CALN1: variants seen among roughly 807,000 people sequenced by gnomAD.
CALN1 encodes the protein calcium-binding protein 8.
CALN1 carries 17 observed loss-of-function variants against 30.6 expected under a neutral mutation model. The ratio of observed to expected loss-of-function variants is 0.56; its 90% CI spans 0.38 to 0.83. CALN1 has a LOEUF of 0.83. Ranked by LOEUF, CALN1 falls within the 40% of genes least tolerant of loss-of-function variation. The probability of loss-of-function intolerance (pLI) is 0.00; values close to 1 mark genes in which losing one functional copy is unlikely to be tolerated. For synonymous variants in CALN1, 156 were observed against 131.4 expected (o/e 1.19, Z -1.28); for missense variants, 291 against 354.9 (o/e 0.82, Z 1.45).
At chr7:72,272,163 T>G (rs1797039595) in intron 3 of CALN1, among the ~76,000 whole-genome samples, 1 of 151,678 alleles carries the variant, frequency 6.6e-6, no homozygotes, top group Non-Finnish European at 1.5e-5. Flanking sequence ...GTGACACTGG[T>G]CAACTACTAA....
the CALN1 span, among the ~76,000 whole-genome samples, chr7:72,462,173 T>A: frequency 6.6e-6 from 1 of 151,978 alleles, no homozygotes; most frequent in East Asian, 1.9e-4. Flanking sequence ...TATGTATGTA[T>A]GTATGTATTT....
chr7:72,467,689 G>A, the CALN1 span, among the ~76,000 whole-genome samples: 2 of 152,088 alleles, frequency 1.3e-5, no homozygotes, highest in Non-Finnish European at 2.9e-5. Context: ...AGAGTCCTCT[G>A]CTACACAACT....
In CALN1 at chr7:72,394,360, T is replaced by C. The variant is rs948545869; in HGVS notation, c.119+8891A>G. Among the ~76,000 whole-genome samples, 7 of 152,192 alleles carry C rather than the reference T, an allele frequency of 4.6e-5. No homozygotes were observed. The East Asian group carries it at 1.3e-3, about 29-fold the overall frequency. ...ACATGTTTTGACCCAGATGTTTCAC[T>C]TCTAGAAAATGTAGCTTTAGCTATG... On this transcript the variant is annotated intron_variant, in intron 2 of 6. Transcript: ENST00000395275.
chr7:72,358,158 AT>A (rs1267576363), intron 2 of CALN1, among the ~76,000 whole-genome samples: 1 of 151,634 alleles, frequency 6.6e-6, no homozygotes, highest in Non-Finnish European at 1.5e-5. Context: ...TGCCTAACTA[AT>A]TTTTTAATCT....
At chr7:72,251,595 C>T (rs1289123085) in intron 3 of CALN1, among the ~76,000 whole-genome samples, 1 of 152,000 alleles carries the variant, frequency 6.6e-6, no homozygotes, top group Non-Finnish European at 1.5e-5. Flanking sequence ...CAGACAAGGC[C>T]TCACTCTGTT....
rs1247188577 is a variant in CALN1, at chr7:71,783,998, C to T, written c.*3777G>A. 6.6e-6 allele frequency: 1 copy of T among 152,204 alleles called. No individual in the cohort carries two copies. Among genetic ancestry groups the T allele is most frequent in the Non-Finnish European group, 1.5e-5 (1 of 68,050 alleles). 9.4% of individuals were successfully genotyped at this position (152,204 alleles called of 1,614,324 possible). Reference sequence around the variant, plus strand: ...GGGTTTGCCTAAGACCACACCTAAACCTCAGTTCACCAAAGTTCACGTGTT... The same window carrying T: ...GGGTTTGCCTAAGACCACACCTAAATCTCAGTTCACCAAAGTTCACGTGTT... On this transcript the variant is annotated 3_prime_UTR_variant, in exon 7 of 7. Coordinates refer to ENST00000395275, the MANE Select transcript of CALN1 (RefSeq NM_031468.4).
At chr7:72,184,874 C>G (rs771104263) in intron 3 of CALN1, among the ~76,000 whole-genome samples, 2 of 151,984 alleles carry the variant, frequency 1.3e-5, no homozygotes, top group Non-Finnish European at 2.9e-5. Flanking sequence ...CTCGCTGCAG[C>G]CTTGAACTCC....
chr7:71,871,858 G>T (rs1791951871), intron 5 of CALN1, among the ~76,000 whole-genome samples: 3 of 151,510 alleles, frequency 2.0e-5, no homozygotes, highest in Admixed American at 2.0e-4. Context: ...ATGGCCTGTT[G>T]TCCTTCCCAG....
intron 3 of CALN1, among the ~76,000 whole-genome samples, chr7:72,118,339 T>C (rs1023524618): frequency 5.3e-5 from 8 of 152,216 alleles, no homozygotes; most frequent in African/African-American, 1.9e-4. Context: ...CTTCCCTAGC[T>C]ATCATACTGA....
intron 3 of CALN1, among the ~76,000 whole-genome samples, chr7:72,241,108 G>T (rs1003723610): frequency 1.3e-4 from 20 of 152,116 alleles, no homozygotes; most frequent in African/African-American, 4.8e-4. Context: ...CTGGCACACA[G>T]TAGATTCTTA....
At position 71,786,379 on chromosome 7, in the gene CALN1, C is replaced by T. The variant is rs542111179; in HGVS notation, c.*1396G>A. 3 of 152,282 alleles carry T rather than the reference C, an allele frequency of 2.0e-5. No homozygotes were observed. In the East Asian group the frequency reaches 5.8e-4, roughly 29 times the overall value. The allele number at this position is 152,282 out of a possible 1,614,324, so 9.4% of individuals were successfully genotyped here. A position where few individuals can be genotyped will look rare whatever the true frequency, so the allele number is the denominator to read the frequency against. On this transcript the variant is annotated 3_prime_UTR_variant, in exon 7 of 7. Transcript: ENST00000395275. ...AACTATTACATCTAGAGATTACTGG[C>T]TAATCTGACTACACAAGCTTGAATT...
chr7:72,439,858 T>A (rs1195354664), intron 1 of CALN1, among the ~76,000 whole-genome samples: 1 of 152,106 alleles, frequency 6.6e-6, no homozygotes, highest in African/African-American at 2.4e-5. Context: ...ATTACAGGCG[T>A]GAGCCACTGT....
intron 5 of CALN1, among the ~76,000 whole-genome samples, chr7:71,825,859 CCT>C (rs1355391549): frequency 2.0e-5 from 3 of 151,592 alleles, no homozygotes; most frequent in African/African-American, 4.8e-5. Context: ...ACGGTGAAAC[CCT>C]GTTTCTACTA....
chr7:71,995,347 G>C (rs1799201667), intron 5 of CALN1, among the ~76,000 whole-genome samples: 1 of 152,188 alleles, frequency 6.6e-6, no homozygotes, highest in African/African-American at 2.4e-5. Context: ...GCTGATTTAT[G>C]TTTGCAGCTG....
chr7:71,806,404 T>C (rs1319139776), intron 6 of CALN1, among the ~76,000 whole-genome samples: 6 of 151,092 alleles, frequency 4.0e-5, no homozygotes, highest in Non-Finnish European at 7.4e-5. Flanking sequence ...CCTCCTGGGC[T>C]CAAGCAATTC....
chr7:71,821,657 T>C (rs557548252), intron 5 of CALN1, among the ~76,000 whole-genome samples: 31 of 152,330 alleles, frequency 2.0e-4, no homozygotes, highest in African/African-American at 7.5e-4. Context: ...AGCTAAACCA[T>C]ACCAATCATT....
At chr7:72,331,323 C>T (rs1449854778) in intron 2 of CALN1, among the ~76,000 whole-genome samples, 2 of 151,950 alleles carry the variant, frequency 1.3e-5, no homozygotes. Context: ...GCACTCCAGC[C>T]TGGGCAACAG....
chr7:72,455,719 C>A, the CALN1 span, among the ~76,000 whole-genome samples: 44,751 of 151,840 alleles, frequency 0.29, 7,998 homozygotes, highest in African/African-American at 0.49. Flanking sequence ...GTGATGGAGG[C>A]GAGATTGCTC....
chr7:72,317,727 G>C (rs1800583995), intron 2 of CALN1, among the ~76,000 whole-genome samples: 1 of 152,170 alleles, frequency 6.6e-6, no homozygotes, highest in Admixed American at 6.5e-5. Flanking sequence ...TTAGGGATTT[G>C]AGGAGAACAT....
Sources: gnomAD v4.1 joint callset for allele counts (sites outside exome capture counted in the v4.1 genomes callset) on GRCh38, gnomAD v4.1.1 for gene constraint, MANE v1.5 for transcripts, NCBI Gene and HGNC (gene_info 2026-07-23, HGNC 2026-07-21) for gene names.